ZNF512B: variants seen among roughly 807,000 people sequenced by gnomAD.
The protein encoded by ZNF512B is zinc finger protein 512B.
A neutral mutation model predicts 87.8 loss-of-function variants in ZNF512B; 22 were observed. The ratio of observed to expected loss-of-function variants is 0.25; its 90% CI spans 0.18 to 0.36. The LOEUF is 0.36. ZNF512B is among the 10% of genes least tolerant of loss of function. The pLI is 1.00. For missense variants in ZNF512B, 1,060 were observed against 1,231.6 expected, an observed-to-expected ratio of 0.86 and a Z score of 2.09; for synonymous variants, 524 against 490.9, an observed-to-expected ratio of 1.07 and a Z score of -0.89.
rs1297553925 is a variant in ZNF512B, at chr20:63,961,948, G to C, written c.2322C>G (p.Cys774Trp). The change falls in exon 15 of 17, where the codon TGC (cysteine) becomes TGG (tryptophan). Residue 774 changes from cysteine (C) to tryptophan (W), a missense_variant. By Grantham distance (215) the Cys-to-Trp change is radical. Around this residue, in one of 9 missense-constraint regions of ZNF512B, gnomAD observed 253 missense variants for 259.2 expected, o/e 0.98. Coordinates refer to ENST00000369888, the MANE Select transcript of ZNF512B (RefSeq NM_020713.3). This position sits in a 1 kb window ranked among gnomAD's most constrained non-coding sequence, Gnocchi z 6.4. The stretch of plus-strand genomic sequence containing the variant: ...GGCAGGCCCCAGAACTGACCTTACT[G>C]CAGCTGGCGAGATGAGCCTTGAGTC... ...VSGLKAHLAS[C>W]SKGAHLAGKY... 1 of 1,551,116 alleles carries C rather than the reference G, an allele frequency of 6.4e-7. No individual in the cohort carries two copies. Among genetic ancestry groups the C allele is most frequent in the Non-Finnish European group, 8.7e-7 (1 of 1,146,928 alleles).
At position 63,957,747 on chromosome 20, in the gene ZNF512B, G is replaced by A. The variant is rs375335306; in HGVS notation, c.*2141C>T. ...GCTGGGGCAGGCACCACACCCTGCA[G>A]GTGTTCAGGTCCACCCTCCTCCCGC... On this transcript the variant is annotated 3_prime_UTR_variant, in exon 17 of 17. Transcript: ENST00000369888. The A allele has an allele frequency of 1.4e-4, 22 of 152,600 alleles. No individual in the cohort carries two copies. The highest frequency in any genetic ancestry group is 5.3e-4 in the African/African-American group (22 of 41,536). The allele number at this position is 152,600 out of a possible 1,614,324, so 9.5% of individuals were successfully genotyped here.
chr20:63,967,544 A>C (rs2058940964), intron 2 of ZNF512B, 21 bp from the exon 3 acceptor site: 2 of 1,576,006 alleles, frequency 1.3e-6, no homozygotes, highest in South Asian at 1.1e-5. Flanking sequence ...CAACACAGCA[A>C]GGCTCGGAAG....
chr20:63,966,229 T>C lies in ZNF512B; in HGVS notation c.946A>G (p.Arg316Gly), dbSNP rs2058923655. Residue 316 changes from arginine to glycine, a missense_variant, in exon 5 of 17, where the codon AGA becomes GGA. This residue lies in a region of ZNF512B where 201 missense variants were observed against 226.8 expected (regional missense o/e 0.89). Coordinates refer to ENST00000369888, the MANE Select transcript of ZNF512B (RefSeq NM_020713.3). ...VTVSRPIAISRHTPPCKMVLL... is the reference protein window; with the variant it reads ...VTVSRPIAISGHTPPCKMVLL... ...ACCATTTTGCAGGGCGGTGTGTGTCTGCTGATAGCAATGGGCCTGCTGACT... is the reference window on the plus strand; with the variant it reads ...ACCATTTTGCAGGGCGGTGTGTGTCCGCTGATAGCAATGGGCCTGCTGACT... The C allele has an allele frequency of 6.2e-7, 1 of 1,613,902 alleles. No homozygotes were observed. The highest frequency in any genetic ancestry group is 1.7e-5 in the Admixed American group (1 of 60,004).
At position 63,961,835 on chromosome 20, in the gene ZNF512B, T is replaced by C; in HGVS notation, c.2328+107A>G. The stretch of plus-strand genomic sequence containing the variant: ...GGAAGAGGAGGCCACGTAGAAAAAG[T>C]AGGGGACAAGGCAGGGTCCCTCACT... On this transcript the variant is annotated intron_variant, in intron 15 of 16. Transcript: ENST00000369888. The surrounding 1 kb of genome is among the most constrained non-coding windows in gnomAD (Gnocchi z 6.4). The C allele has an allele frequency of 8.4e-7, 1 of 1,197,296 alleles. No homozygotes were observed. The highest frequency in any genetic ancestry group is 1.2e-6 in the Non-Finnish European group (1 of 838,684). 74.2% of individuals were successfully genotyped at this position (1,197,296 alleles called of 1,614,324 possible). A position where few individuals can be genotyped will look rare whatever the true frequency, so the allele number is the denominator to read the frequency against.
rs1429661553 is a variant in ZNF512B at position 63,959,126 on chromosome 20, G to C, written c.*762C>G. The C allele has an allele frequency of 6.6e-6, 1 of 152,530 alleles. No individual in the cohort carries two copies. Among genetic ancestry groups the C allele is most frequent in the Non-Finnish European group, 1.5e-5 (1 of 68,222 alleles). 9.4% of individuals were successfully genotyped at this position (152,530 alleles called of 1,614,324 possible). On this transcript the variant is annotated 3_prime_UTR_variant, in exon 17 of 17. Coordinates refer to ENST00000369888, the MANE Select transcript of ZNF512B (RefSeq NM_020713.3). ...CCAGGGCTGGCAGCTGTGTTGAAGG[G>C]CATCAAGCTTCTGCTGCCCTGTAGG...
chr20:63,962,952 C>G, intron 12 of ZNF512B, 143 bp downstream of exon 12: 1 of 1,295,678 alleles, frequency 7.7e-7, no homozygotes, highest in Middle Eastern at 2.0e-4. Flanking sequence ...TCCCGCCCAC[C>G]AGGACACACG....
At chr20:63,967,776 A>G (rs2058942969) in intron 2 of ZNF512B, 54 bp downstream of exon 2, 1 of 1,585,270 alleles carries the variant, frequency 6.3e-7, no homozygotes, top group Non-Finnish European at 8.6e-7. Context: ...GTCCACTCCT[A>G]CCACTTGCTG....
Position 63,963,536 on chromosome 20 carries a change from G to T in ZNF512B, c.1698+82C>A, listed in dbSNP as rs548140900. Reference sequence around the variant, plus strand: ...AGGTGTTGGGCCACCGTTGTCCGAGGTTAGAAACCGGGGGCACTGCGGTGA... The same window carrying T: ...AGGTGTTGGGCCACCGTTGTCCGAGTTTAGAAACCGGGGGCACTGCGGTGA... On this transcript the variant is annotated intron_variant, in intron 10 of 16. Transcript: ENST00000369888. The T allele has an allele frequency of 2.6e-5, 42 of 1,596,194 alleles. No individual in the cohort carries two copies. The South Asian group carries it at 4.0e-4, about 15-fold the overall frequency.
Position 63,966,333 on chromosome 20 carries a change from A to G in ZNF512B, c.842T>C (p.Leu281Pro). 1.3e-6 allele frequency: 2 copies of G among 1,594,322 alleles called. No homozygotes were observed. The highest frequency in any genetic ancestry group is 1.7e-6 in the Non-Finnish European group (2 of 1,166,490). The change falls in exon 5 of 17, where the codon CTT becomes CCT. Residue 281 changes from leucine (L) to proline (P), a missense_variant. Leu to Pro is a moderately conservative substitution (Grantham distance 98, BLOSUM62 -3). Transcript: ENST00000369888. ...CGGCACGGGTTTCGTAACTGTCACA[A>G]GCTTTGTTACCGTAATGGGTTTGGT... Reference protein sequence around the residue: ...PVTKPITVTKLVTVTKPVPVT... With the variant: ...PVTKPITVTKPVTVTKPVPVT...
rs751628313 is a variant in ZNF512B at position 63,967,891 on chromosome 20, G to A, written c.60C>T (p.Pro20=). 58 of 1,613,050 alleles carry A rather than the reference G, an allele frequency of 3.6e-5. No homozygotes were observed. The highest frequency in any genetic ancestry group is 3.3e-4 in the Middle Eastern group (2 of 6,080). The part of the protein sequence containing the change: ...RRLPGSSKSG[P]GKDGSRKEVR... ...CCTCCTTTCGGCTGCCATCCTTCCCGGGACCACTCTTGCTGGACCCCGGGA... is the reference window on the plus strand; with the variant it reads ...CCTCCTTTCGGCTGCCATCCTTCCCAGGACCACTCTTGCTGGACCCCGGGA... Residue 20 remains proline, a synonymous_variant, in exon 2 of 17, where the codon CCC becomes CCT. Transcript: ENST00000369888.
rs977394756 is a variant in ZNF512B at position 63,957,052 on chromosome 20, G to T, written c.*2836C>A. ...GCCTGGGGCCCCAGACCCGGGCCTGGGGGAGCCGCCTGGGGCCCCGCCAAA... is the reference window on the plus strand; with the variant it reads ...GCCTGGGGCCCCAGACCCGGGCCTGTGGGAGCCGCCTGGGGCCCCGCCAAA... On this transcript the variant is annotated 3_prime_UTR_variant, in exon 17 of 17. Transcript: ENST00000369888. 1 of 152,348 alleles carries T rather than the reference G, an allele frequency of 6.6e-6. No individual in the cohort carries two copies. The allele number at this position is 152,348 out of a possible 1,614,324, so 9.4% of individuals were successfully genotyped here.
intron 1 of ZNF512B, 106 bp downstream of exon 1, chr20:63,969,708 T>A: frequency 8.0e-6 from 1 of 125,480 alleles, no homozygotes; most frequent in South Asian, 2.6e-4. Context: ...GCGGGGGGGC[T>A]CCGGGCCCGG....
Position 63,963,824 on chromosome 20 carries a change from C to A in ZNF512B, c.1570G>T (p.Val524Leu). Residue 524 changes from valine (V) to leucine (L), a missense_variant, in exon 9 of 17, where the codon GTG becomes TTG. Around this residue, in one of 9 missense-constraint regions of ZNF512B, gnomAD observed 37 missense variants for 72.6 expected, o/e 0.51. Transcript: ENST00000369888. ...TCNVVTRKTLVGLKKHMEVCQ... is the reference protein window; with the variant it reads ...TCNVVTRKTLLGLKKHMEVCQ... The stretch of plus-strand genomic sequence containing the variant: ...ACCTCCATGTGCTTCTTAAGCCCCA[C>A]GAGAGTCTTCCGGGTGACCACGTTG... 6.2e-7 allele frequency: 1 copy of A among 1,612,876 alleles called. No homozygotes were observed. Among genetic ancestry groups the A allele is most frequent in the Non-Finnish European group, 8.5e-7 (1 of 1,179,960 alleles).
chr20:63,963,453 T>C lies in ZNF512B; in HGVS notation c.1699-13A>G. 6.5e-7 allele frequency: 1 copy of C among 1,545,638 alleles called. No individual in the cohort carries two copies. Among genetic ancestry groups the C allele is most frequent in the Non-Finnish European group, 8.7e-7 (1 of 1,149,836 alleles). ...CGGCGTCAGAGGGCTGGGGACAGGG[T>C]GAGCATCGGTGACCCGGCACCATCG... On this transcript the variant is annotated splice_polypyrimidine_tract_variant and intron_variant, in intron 10 of 16. Coordinates refer to ENST00000369888, the MANE Select transcript of ZNF512B (RefSeq NM_020713.3).
In ZNF512B at chr20:63,960,031, GGCCCCGCT is replaced by G; in HGVS notation, c.2528_2535del (p.Lys843ThrfsTer46). 1.2e-6 allele frequency: 2 copies of G among 1,613,794 alleles called. No homozygotes were observed. Among genetic ancestry groups the G allele is most frequent in the Non-Finnish European group, 1.7e-6 (2 of 1,180,022 alleles). On this transcript the variant is annotated frameshift_variant, in exon 17 of 17. Transcript: ENST00000369888. LOFTEE classifies it high-confidence loss of function. ...TCTGGGGTCCGCTCCTTGGGCTTTC[GGCCCCGCT>G]TCTTTCCACCTGCCAGATTTTTCTT...
rs1349362967 is a variant in ZNF512B at position 63,962,630 on chromosome 20, G to A, written c.2120C>T (p.Thr707Ile). The A allele has an allele frequency of 1.2e-6, 2 of 1,607,600 alleles. No homozygotes were observed. The highest frequency in any genetic ancestry group is 1.7e-5 in the Admixed American group (1 of 59,588). The change falls in exon 13 of 17, where the codon ACC becomes ATC. Residue 707 changes from threonine (T) to isoleucine (I), a missense_variant. Physicochemically the swap from Thr to Ile is moderately conservative, Grantham distance 89. Around this residue, in one of 9 missense-constraint regions of ZNF512B, gnomAD observed 253 missense variants for 259.2 expected, o/e 0.98. Coordinates refer to ENST00000369888, the MANE Select transcript of ZNF512B (RefSeq NM_020713.3). ...IAEDELARDW[T>I]KRRMKDDLVP... ...AAGGTCATCCTTCATGCGCCGCTTG[G>A]TCCAGTCGCGGGCCAGCTCGTCCTC...
rs147451140 is a variant in ZNF512B at position 63,961,849 on chromosome 20, G to A, written c.2328+93C>T. ...CGTAGAAAAAGTAGGGGACAAGGCAGGGTCCCTCACTACTGTGTGGGAAGC... is the reference window on the plus strand; with the variant it reads ...CGTAGAAAAAGTAGGGGACAAGGCAAGGTCCCTCACTACTGTGTGGGAAGC... On this transcript the variant is annotated intron_variant, in intron 15 of 16. Transcript: ENST00000369888. This position sits in a 1 kb window ranked among gnomAD's most constrained non-coding sequence, Gnocchi z 6.4. 903 of 1,314,526 alleles carry A rather than the reference G, an allele frequency of 6.9e-4. 5 individuals are homozygous for A. In the African/African-American group the frequency reaches 0.012, roughly 17 times the overall value. 81.4% of individuals were successfully genotyped at this position (1,314,526 alleles called of 1,614,324 possible).
intron 16 of ZNF512B, 100 bp from the exon 17 acceptor site, chr20:63,960,239 G>A: frequency 8.6e-6 from 13 of 1,513,962 alleles, no homozygotes; most frequent in Non-Finnish European, 1.2e-5. Context: ...TTCAGGACCA[G>A]GCAAGCACCT....
At chr20:63,962,423 A>G in intron 13 of ZNF512B, 49 bp from the exon 14 acceptor site, 1 of 1,575,900 alleles carries the variant, frequency 6.3e-7, no homozygotes. Context: ...AAGACACCCC[A>G]GCTGCTCTAA....
Sources: allele counts gnomAD v4.1 joint callset, GRCh38; gene constraint gnomAD v4.1.1; regional missense constraint gnomAD v4.1.1; non-coding constraint Gnocchi (gnomAD v3.1); transcripts MANE v1.5; gene names NCBI Gene and HGNC (gene_info 2026-07-23, HGNC 2026-07-21).